AXDND1: variants seen among roughly 807,000 people sequenced by gnomAD.
The protein encoded by AXDND1 is axonemal dynein light chain domain containing 1.
A neutral mutation model predicts 137.5 loss-of-function variants in AXDND1; 110 were observed. The observed-to-expected ratio is 0.80, with a 90% CI of 0.69 to 0.94. AXDND1 has a LOEUF of 0.94. Ranked by LOEUF, AXDND1 falls within the 40% of genes least tolerant of loss-of-function variation. The probability of loss-of-function intolerance (pLI) is 0.00; values close to 1 mark genes in which losing one functional copy is unlikely to be tolerated. For synonymous variants in AXDND1, 414 were observed against 399.7 expected, an observed-to-expected ratio of 1.04 and a Z score of -0.43; for missense variants, 1,191 against 1,169.8, an observed-to-expected ratio of 1.02 and a Z score of -0.26.
chr1:179,451,554 C>T (rs1660554162), intron 16 of AXDND1: 1 of 152,118 alleles, frequency 6.6e-6, no homozygotes. Flanking sequence ...TATTAATTTT[C>T]ACTGATATGG....
At chr1:179,434,524 C>T (rs1657854319) in intron 15 of AXDND1, among the ~76,000 whole-genome samples, 3 of 152,160 alleles carry the variant, frequency 2.0e-5, no homozygotes, top group African/African-American at 4.8e-5. Flanking sequence ...CGGCTTTATC[C>T]CTGGGATGCA....
rs536759967 is a variant in AXDND1 at position 179,398,307 on chromosome 1, C to G, written c.1109+3105C>G. ...GACCGTGTACTCCAACTCTGGGGGA[C>G]TTGTATTGGGACCAGCTTTGTTCTC... On this transcript the variant is annotated intron_variant, in intron 11 of 25. Transcript: ENST00000367618. Among the ~76,000 whole-genome samples, 290 of 152,234 alleles carry G rather than the reference C, an allele frequency of 1.9e-3. 2 individuals carry two copies. The highest frequency in any genetic ancestry group is 6.9e-3 in the African/African-American group (287 of 41,528).
intron 11 of AXDND1, among the ~76,000 whole-genome samples, chr1:179,402,715 A>T (rs1652294582): frequency 6.6e-6 from 1 of 152,080 alleles, no homozygotes. Context: ...TTAGAACTAC[A>T]CCTTCCCTTC....
intron 23 of AXDND1, among the ~76,000 whole-genome samples, chr1:179,532,519 C>T (rs4652406): frequency 0.32 from 48,356 of 151,954 alleles, 8,340 homozygotes; most frequent in Middle Eastern, 0.43. Context: ...ACAAGTTACC[C>T]AAAAGAAGCA....
intron 17 of AXDND1, among the ~76,000 whole-genome samples, chr1:179,470,020 C>T (rs1390415587): frequency 6.6e-6 from 1 of 152,080 alleles, no homozygotes; most frequent in African/African-American, 2.4e-5. Flanking sequence ...TGGTAAGGGT[C>T]CAATTTCATT....
intron 25 of AXDND1, chr1:179,535,190 C>T: frequency 1.8e-6 from 1 of 566,826 alleles, no homozygotes; most frequent in Non-Finnish European, 2.9e-6. Flanking sequence ...AGCTCAGATA[C>T]AATTTTTATT....
chr1:179,488,657 TTCTTTCTTTCTTTC>T (rs1666437796), intron 18 of AXDND1, among the ~76,000 whole-genome samples: 1 of 107,092 alleles, frequency 9.3e-6, no homozygotes, highest in Non-Finnish European at 1.9e-5. Context: ...CTTTCTTTCT[TTCTTTCTTTCTTTC>T]TTTCTTTCTT....
intron 12 of AXDND1, among the ~76,000 whole-genome samples, chr1:179,420,886 A>G (rs1655577888): frequency 6.6e-6 from 1 of 152,018 alleles, no homozygotes. Context: ...CTCCCAAGGT[A>G]CTGGGATTAC....
At chr1:179,542,012 A>C (rs978034771) in intron 25 of AXDND1, among the ~76,000 whole-genome samples, 2 of 152,212 alleles carry the variant, frequency 1.3e-5, no homozygotes, top group African/African-American at 4.8e-5. Context: ...ACCAGAAAGA[A>C]ATATGCCCAA....
chr1:179,429,703 A>G lies in AXDND1; in HGVS notation c.1332+84A>G, dbSNP rs1293175332. ...ACTGTAAGATGCCTTTGTTAAATTT[A>G]TCGATTTTAAAAATATCATTTTATA... On this transcript the variant is annotated intron_variant, in intron 13 of 25. Transcript: ENST00000367618. 18 of 709,110 alleles carry G rather than the reference A, an allele frequency of 2.5e-5. No homozygotes were observed. The South Asian group carries it at 5.1e-4, about 20-fold the overall frequency. 43.9% of individuals were successfully genotyped at this position (709,110 alleles called of 1,614,324 possible). A position where few individuals can be genotyped will look rare whatever the true frequency, so the allele number is the denominator to read the frequency against.
chr1:179,456,169 G>A (rs1661377769), intron 16 of AXDND1: 3 of 659,398 alleles, frequency 4.5e-6, no homozygotes, highest in East Asian at 7.3e-5. Flanking sequence ...GTTGTAACCT[G>A]TAGCTTCCCT....
chr1:179,411,750 C>T (rs1307571120), intron 12 of AXDND1, among the ~76,000 whole-genome samples: 1 of 151,660 alleles, frequency 6.6e-6, no homozygotes, highest in Non-Finnish European at 1.5e-5. Context: ...TTAAAATTTT[C>T]AACTTTAATT....
intron 18 of AXDND1, among the ~76,000 whole-genome samples, chr1:179,490,765 T>TTTG (rs1666787270): frequency 6.6e-6 from 1 of 151,694 alleles, no homozygotes; most frequent in African/African-American, 2.4e-5. Flanking sequence ...AGTACTTGTT[T>TTTG]TTTTTTTTTT....
intron 25 of AXDND1, chr1:179,551,163 C>T: frequency 6.2e-7 from 1 of 1,613,712 alleles, no homozygotes; most frequent in Non-Finnish European, 8.5e-7. Flanking sequence ...CACATTATGC[C>T]CCATCCTTCC....
intron 20 of AXDND1, among the ~76,000 whole-genome samples, chr1:179,502,349 G>A (rs1345661101): frequency 6.6e-6 from 1 of 152,120 alleles, no homozygotes; most frequent in Non-Finnish European, 1.5e-5. Flanking sequence ...CGGATCACCT[G>A]TGGTCAGGAG....
chr1:179,528,227 A>T, intron 22 of AXDND1, 100 bp from the exon 23 acceptor site: 1 of 756,326 alleles, frequency 1.3e-6, no homozygotes, highest in Non-Finnish European at 2.2e-6. Flanking sequence ...TGGAAAATGT[A>T]AGCTTCCAAC....
At chr1:179,538,045 T>C (rs1671732642) in intron 25 of AXDND1, among the ~76,000 whole-genome samples, 1 of 152,200 alleles carries the variant, frequency 6.6e-6, no homozygotes. Flanking sequence ...GATATCCCCT[T>C]TATCATTTTT....
rs767632909 is a variant in AXDND1, at chr1:179,430,508, G to A, written c.1389G>A (p.Val463=). The A allele has an allele frequency of 1.2e-6, 2 of 1,614,016 alleles. No individual in the cohort carries two copies. The highest frequency in any genetic ancestry group is 3.3e-5 in the Admixed American group (2 of 60,014). ...TGACACAAAAATGGAGAAACTTAGT[G>A]AATAAACTTAAACAAGAGGTAGAAC... is the stretch of plus-strand genomic sequence containing the variant. ...QKLTQKWRNL[V]NKLKQEVEQM... The change falls in exon 14 of 26, where the codon GTG becomes GTA. Residue 463 remains valine, a synonymous_variant. Transcript: ENST00000367618.
chr1:179,388,976 CTT>C (rs11373996), intron 9 of AXDND1, among the ~76,000 whole-genome samples: 6 of 112,534 alleles, frequency 5.3e-5, no homozygotes, highest in East Asian at 2.5e-4. Flanking sequence ...TTTTTAGATT[CTT>C]TTTTTTTTTT....
Sources: allele counts gnomAD v4.1 joint callset (sites outside exome capture counted in the v4.1 genomes callset), GRCh38; gene constraint gnomAD v4.1.1; transcripts MANE v1.5; gene names NCBI Gene and HGNC (gene_info 2026-07-23, HGNC 2026-07-21).